The following PPP4R3A variants were observed in gnomAD, a reference collection of about 807,000 sequenced individuals.
PPP4R3A encodes serine/threonine-protein phosphatase 4 regulatory subunit 3A.
PPP4R3A carries 15 observed loss-of-function variants against 91.7 expected under a neutral mutation model. The observed-to-expected ratio is 0.16, with a 90% CI of 0.11 to 0.25. PPP4R3A has a LOEUF of 0.25. Among genes scored for constraint, PPP4R3A ranks in the 10% least tolerant of loss-of-function variants. The probability of loss-of-function intolerance (pLI) is 1.00; values close to 1 mark genes in which losing one functional copy is unlikely to be tolerated. For synonymous variants in PPP4R3A, 377 were observed against 348.7 expected (o/e 1.08, Z -0.91); for missense variants, 623 against 998.4 (o/e 0.62, Z 5.07).
At chr14:91,483,333 C>T (rs1820405851) in intron 3 of PPP4R3A, among the ~76,000 whole-genome samples, 1 of 152,146 alleles carries the variant, frequency 6.6e-6, no homozygotes, top group African/African-American at 2.4e-5. Context: ...AGATGACGAC[C>T]TGGAATACTT....
In PPP4R3A at chr14:91,458,122, A is replaced by G. The variant is rs1267856116; in HGVS notation, c.*637T>C. 2.0e-5 allele frequency: 3 copies of G among 152,882 alleles called. No individual in the cohort carries two copies. The highest frequency in any genetic ancestry group is 4.4e-5 in the Non-Finnish European group (3 of 68,406). 9.5% of individuals were successfully genotyped at this position (152,882 alleles called of 1,614,324 possible). On this transcript the variant is annotated 3_prime_UTR_variant, in exon 15 of 15. Coordinates refer to ENST00000554943, the MANE Select transcript of PPP4R3A (RefSeq NM_001366432.2). The stretch of plus-strand genomic sequence containing the variant: ...AACAAAATAAAACAAAAAAATTATG[A>G]CACAAATGACCACATCTAGAATTCC...
At chr14:91,495,911 C>G (rs938428928) in intron 1 of PPP4R3A, among the ~76,000 whole-genome samples, 1 of 131,920 alleles carries the variant, frequency 7.6e-6, no homozygotes, top group Admixed American at 8.4e-5. Context: ...AGAGCAAGAC[C>G]CAGTCTCAAA....
chr14:91,503,699 C>T (rs573744404), intron 1 of PPP4R3A, among the ~76,000 whole-genome samples: 4 of 151,948 alleles, frequency 2.6e-5, no homozygotes, highest in South Asian at 4.2e-4. Flanking sequence ...AACCTGCACA[C>T]GTACCCGGGA....
At position 91,510,065 on chromosome 14, in the gene PPP4R3A, T is replaced by G. The variant is rs1293083979; in HGVS notation, c.-418A>C. On this transcript the variant is annotated 5_prime_UTR_variant, in exon 1 of 15. Coordinates refer to ENST00000554943, the MANE Select transcript of PPP4R3A (RefSeq NM_001366432.2). ...CGCCGCCGCCGCCGCCATATTTTCC[T>G]TCCTTATACCTGGCCCTGCCACCGC... The G allele has an allele frequency of 3.7e-6, 2 of 539,448 alleles. No individual in the cohort carries two copies. Among genetic ancestry groups the G allele is most frequent in the Non-Finnish European group, 4.8e-6 (2 of 420,674 alleles). The allele number at this position is 539,448 out of a possible 1,614,324, so 33.4% of individuals were successfully genotyped here. A position where few individuals can be genotyped will look rare whatever the true frequency, so the allele number is the denominator to read the frequency against.
intron 4 of PPP4R3A, among the ~76,000 whole-genome samples, chr14:91,477,674 G>T (rs908319948): frequency 6.6e-6 from 1 of 152,112 alleles, no homozygotes; most frequent in Admixed American, 6.5e-5. Flanking sequence ...TTTTGAGACA[G>T]AGTCTTGCTC....
chr14:91,492,279 G>C (rs2140137847), intron 1 of PPP4R3A, among the ~76,000 whole-genome samples: 1 of 152,300 alleles, frequency 6.6e-6, no homozygotes, highest in South Asian at 2.1e-4. Context: ...AGTTTTCTCT[G>C]CAACTGTCTC....
In PPP4R3A at chr14:91,458,247, T is replaced by C. The variant is rs1231745763; in HGVS notation, c.*512A>G. The C allele has an allele frequency of 6.4e-6, 1 of 156,308 alleles. No homozygotes were observed. Among genetic ancestry groups the C allele is most frequent in the African/African-American group, 2.4e-5 (1 of 41,452 alleles). 9.7% of individuals were successfully genotyped at this position (156,308 alleles called of 1,614,324 possible). Reference sequence around the variant, plus strand: ...ACAGTTAAAAAAGAGGAAAACTTTATACTCGCCCCTCCCCCACAGAGGTTT... The same window carrying C: ...ACAGTTAAAAAAGAGGAAAACTTTACACTCGCCCCTCCCCCACAGAGGTTT... On this transcript the variant is annotated 3_prime_UTR_variant, in exon 15 of 15. Coordinates refer to ENST00000554943, the MANE Select transcript of PPP4R3A (RefSeq NM_001366432.2).
chr14:91,507,633 C>T (rs1336384986), intron 1 of PPP4R3A, among the ~76,000 whole-genome samples: 2 of 39,378 alleles, frequency 5.1e-5, no homozygotes, highest in South Asian at 1.4e-3. Flanking sequence ...ATTATATATA[C>T]TATAATAATA....
intron 1 of PPP4R3A, among the ~76,000 whole-genome samples, chr14:91,508,032 A>AT (rs1891522426): frequency 6.6e-6 from 1 of 152,212 alleles, no homozygotes; most frequent in Admixed American, 6.5e-5. Context: ...CAAAAAGTCC[A>AT]TACCTTCCAA....
At chr14:91,473,481 CT>C in intron 7 of PPP4R3A, 111 bp from the exon 8 acceptor site, 1 of 1,151,644 alleles carries the variant, frequency 8.7e-7, no homozygotes, top group East Asian at 2.5e-5. Flanking sequence ...GTTTTGTTAA[CT>C]GCAAAGTGAA....
Position 91,458,578 on chromosome 14 carries a change from T to A in PPP4R3A, c.*181A>T. 1.2e-6 allele frequency: 1 copy of A among 852,848 alleles called. No homozygotes were observed. The highest frequency in any genetic ancestry group is 2.0e-6 in the Non-Finnish European group (1 of 507,330). 52.8% of individuals were successfully genotyped at this position (852,848 alleles called of 1,614,324 possible). A position where few individuals can be genotyped will look rare whatever the true frequency, so the allele number is the denominator to read the frequency against. The stretch of plus-strand genomic sequence containing the variant: ...AAGGCTTAAGTCTTTCCCCTAAATA[T>A]ATGATATCCCCTCCTCCTGCTCCAT... On this transcript the variant is annotated 3_prime_UTR_variant, in exon 15 of 15. Coordinates refer to ENST00000554943, the MANE Select transcript of PPP4R3A (RefSeq NM_001366432.2).
intron 13 of PPP4R3A, 146 bp from the exon 14 acceptor site, chr14:91,461,753 T>C: frequency 2.2e-6 from 2 of 902,876 alleles, no homozygotes; most frequent in Non-Finnish European, 1.6e-6. Flanking sequence ...CTTACCAAAA[T>C]ACTAACCACA....
At position 91,478,499 on chromosome 14, in the gene PPP4R3A, A is replaced by G. The variant is rs1595064128; in HGVS notation, c.916-1513T>C. On this transcript the variant is annotated intron_variant, in intron 4 of 14. Coordinates refer to ENST00000554943, the MANE Select transcript of PPP4R3A (RefSeq NM_001366432.2). ...TACAGCCTTCACAGCAGCACTTTGG[A>G]TAGAAGTGTCCAGCATCAAGAGAAA... is the stretch of plus-strand genomic sequence containing the variant. Among the ~76,000 whole-genome samples, 4 of 152,384 alleles carry G rather than the reference A, an allele frequency of 2.6e-5. No homozygotes were observed. The East Asian group carries it at 7.7e-4, about 29-fold the overall frequency.
chr14:91,477,117 T>TC, intron 4 of PPP4R3A, 131 bp from the exon 5 acceptor site: 1 of 673,288 alleles, frequency 1.5e-6, no homozygotes, highest in Non-Finnish European at 2.4e-6. Flanking sequence ...TGTCTTTTTT[T>TC]TTTTTTTTAA....
intron 14 of PPP4R3A, among the ~76,000 whole-genome samples, chr14:91,459,309 T>C (rs1436710116): frequency 6.6e-6 from 1 of 152,128 alleles, no homozygotes; most frequent in Non-Finnish European, 1.5e-5. Context: ...TTTTGTCATG[T>C]TGGCCAGCCT....
intron 9 of PPP4R3A, among the ~76,000 whole-genome samples, chr14:91,472,405 CTT>C (rs1888902391): frequency 6.7e-6 from 1 of 149,874 alleles, no homozygotes; most frequent in South Asian, 2.1e-4. Flanking sequence ...AAAAAATTAT[CTT>C]ATTTCTTTTA....
Position 91,457,710 on chromosome 14 carries a change from A to G in PPP4R3A, c.*1049T>C, listed in dbSNP as rs1887850591. On this transcript the variant is annotated 3_prime_UTR_variant, in exon 15 of 15. Coordinates refer to ENST00000554943, the MANE Select transcript of PPP4R3A (RefSeq NM_001366432.2). ...TTTAATGTACCGTCATTTCCCCAAGAAAAGAAATTTCAGAATCTCTTTGGA... is the reference window on the plus strand; with the variant it reads ...TTTAATGTACCGTCATTTCCCCAAGGAAAGAAATTTCAGAATCTCTTTGGA... The G allele has an allele frequency of 6.6e-6, 1 of 152,658 alleles. No individual in the cohort carries two copies. The highest frequency in any genetic ancestry group is 2.4e-5 in the African/African-American group (1 of 41,468). 9.5% of individuals were successfully genotyped at this position (152,658 alleles called of 1,614,324 possible). A position where few individuals can be genotyped will look rare whatever the true frequency, so the allele number is the denominator to read the frequency against.
In PPP4R3A at chr14:91,476,444, T is replaced by G; in HGVS notation, c.1074A>C (p.Ser358=). ...CTAAAGCTGGTAATATGCCCATGTTTGACAAAGTCTTGAAAAAAGCATCTC... is the reference window on the plus strand; with the variant it reads ...CTAAAGCTGGTAATATGCCCATGTTGGACAAAGTCTTGAAAAAAGCATCTC... The part of the protein sequence containing the change: ...QNRDAFFKTL[S]NMGILPALEV... The change falls in exon 6 of 15, where the codon TCA becomes TCC. Residue 358 remains serine (S), a synonymous_variant. Coordinates refer to ENST00000554943, the MANE Select transcript of PPP4R3A (RefSeq NM_001366432.2). The G allele has an allele frequency of 1.9e-6, 3 of 1,612,284 alleles. No individual in the cohort carries two copies. The South Asian group carries it at 3.3e-5, about 18-fold the overall frequency.
In PPP4R3A at chr14:91,509,612, C is replaced by G. The variant is rs557743993; in HGVS notation, c.36G>C (p.Thr12=). 23 of 1,602,614 alleles carry G rather than the reference C, an allele frequency of 1.4e-5. 1 individual carries two copies. In the South Asian group the frequency reaches 2.1e-4, roughly 15 times the overall value. Residue 12 remains threonine (T), a synonymous_variant, in exon 1 of 15, where the codon ACG becomes ACC. Coordinates refer to ENST00000554943, the MANE Select transcript of PPP4R3A (RefSeq NM_001366432.2). ...TDTRRRVKVY[T]LNEDRQWDDR... is the part of the protein sequence containing the mutation. ...CGTCCCACTGCCGGTCCTCGTTGAG[C>G]GTGTACACCTTCACCCGCCGCCGGG... is the stretch of plus-strand genomic sequence containing the variant.
Sources: allele counts gnomAD v4.1 joint callset (sites outside exome capture counted in the v4.1 genomes callset), GRCh38; gene constraint gnomAD v4.1.1; transcripts MANE v1.5; gene names NCBI Gene and HGNC (gene_info 2026-07-23, HGNC 2026-07-21).